NFU1: variants seen among roughly 807,000 people sequenced by gnomAD.
The protein encoded by NFU1 is NFU1 iron-sulfur cluster scaffold, also known as NFU1 iron-sulfur cluster scaffold homolog, mitochondrial.
Under a neutral mutation model 32.2 loss-of-function variants are expected in NFU1, and 30 were observed. That is an observed-to-expected ratio of 0.93 (90% CI 0.70 to 1.26). The LOEUF (loss-of-function observed/expected upper bound fraction) is 1.26. Ranked by LOEUF, NFU1 falls within the 50% of genes most tolerant of loss-of-function variation. The probability of loss-of-function intolerance (pLI) is 0.00; values close to 1 mark genes in which losing one functional copy is unlikely to be tolerated. For missense variants in NFU1, 306 were observed against 306.6 expected, an observed-to-expected ratio of 1.00 and a Z score of 0.02; for synonymous variants, 112 against 104.6, an observed-to-expected ratio of 1.07 and a Z score of -0.43.
intron 3 of NFU1, among the ~76,000 whole-genome samples, chr2:69,423,245 T>TGA (rs1673318970): frequency 6.5e-4 from 6 of 9,190 alleles, no homozygotes; most frequent in South Asian, 7.3e-3. Flanking sequence ...TCTGTGTGAG[T>TGA]GTGTGTGTGT....
intron 6 of NFU1, among the ~76,000 whole-genome samples, chr2:69,403,378 C>T (rs563166160): frequency 1.9e-4 from 29 of 152,020 alleles, no homozygotes; most frequent in South Asian, 6.2e-4. Context: ...TTCTCCCCTC[C>T]GGAGGTTTGA....
At chr2:69,435,986 C>A (rs371528988) in intron 1 of NFU1, among the ~76,000 whole-genome samples, 8 of 151,696 alleles carry the variant, frequency 5.3e-5, no homozygotes, top group African/African-American at 1.9e-4. Flanking sequence ...TCAGCCAATC[C>A]GCCCAGCTTG....
At chr2:69,405,942 C>A in intron 6 of NFU1, 80 bp downstream of exon 6, 2 of 895,160 alleles carry the variant, frequency 2.2e-6, no homozygotes, top group South Asian at 1.3e-5. Context: ...ACTATAATCT[C>A]ATGGCCAACT....
Position 69,408,734 on chromosome 2 carries a change from TTATATATATATATATATATA to T in NFU1, c.485-2672_485-2653del, listed in dbSNP as rs70954344. 1.7e-3 allele frequency among the ~76,000 whole-genome samples: 229 copies of T among 136,432 alleles called. 4 individuals are homozygous for T. The highest frequency in any genetic ancestry group is 0.017 in the Admixed American group (215 of 12,926). 89.5% of individuals were successfully genotyped at this position (136,432 alleles called of 152,430 possible). A position where few individuals can be genotyped will look rare whatever the true frequency, so the allele number is the denominator to read the frequency against. ...CACCGTCTCAAAAAAATATAAAATT[TTATATATATATATATATATA>T]TATATATATATATATACACACACAC... On this transcript the variant is annotated intron_variant, in intron 5 of 7. Transcript: ENST00000410022.
At chr2:69,420,399 C>T (rs898857763) in intron 3 of NFU1, among the ~76,000 whole-genome samples, 13 of 152,132 alleles carry the variant, frequency 8.5e-5, no homozygotes, top group Middle Eastern at 3.2e-3. Context: ...TTAATTGGGG[C>T]TTTTTTACTT....
intron 3 of NFU1, among the ~76,000 whole-genome samples, chr2:69,419,889 A>C (rs1330694008): frequency 1.3e-5 from 2 of 152,240 alleles, no homozygotes; most frequent in Admixed American, 1.3e-4. Flanking sequence ...AAATATGGAA[A>C]TGTCCATCAC....
intron 5 of NFU1, among the ~76,000 whole-genome samples, chr2:69,408,673 T>C (rs960777334): frequency 6.7e-6 from 1 of 150,262 alleles, no homozygotes; most frequent in Admixed American, 6.7e-5. Context: ...TGAGCTGAGA[T>C]CACGCCACTG....
intron 5 of NFU1, among the ~76,000 whole-genome samples, chr2:69,412,883 A>G (rs1043232840): frequency 1.3e-5 from 2 of 150,716 alleles, no homozygotes; most frequent in Admixed American, 1.3e-4. Flanking sequence ...AAGACACATG[A>G]CTCAATTTGT....
At chr2:69,404,279 G>A (rs1672622489) in intron 6 of NFU1, among the ~76,000 whole-genome samples, 1 of 151,376 alleles carries the variant, frequency 6.6e-6, no homozygotes, top group Non-Finnish European at 1.5e-5. Context: ...ATCACCTGAG[G>A]TCAGGAGGTC....
upstream of NFU1, among the ~76,000 whole-genome samples, chr2:69,439,554 C>T (rs116780968): frequency 0.028 from 4,247 of 152,292 alleles, 89 homozygotes; most frequent in Non-Finnish European, 0.045. Flanking sequence ...GGAAGGGGAC[C>T]CAAGCAGGTT....
At chr2:69,432,580 A>G (rs1673675712) in intron 1 of NFU1, among the ~76,000 whole-genome samples, 1 of 152,146 alleles carries the variant, frequency 6.6e-6, no homozygotes. Flanking sequence ...ACCTCAAAAA[A>G]AAAAAGAAAC....
At chr2:69,400,106 C>T (rs1672471251) in intron 7 of NFU1, among the ~76,000 whole-genome samples, 1 of 152,146 alleles carries the variant, frequency 6.6e-6, no homozygotes, top group Non-Finnish European at 1.5e-5. Context: ...CTCCCAACCT[C>T]AGGTGATCCA....
upstream of NFU1, among the ~76,000 whole-genome samples, chr2:69,439,550 G>C (rs1284122060): frequency 6.6e-6 from 1 of 152,184 alleles, no homozygotes; most frequent in South Asian, 2.1e-4. Flanking sequence ...ACATGGAAGG[G>C]GACCCAAGCA....
rs114145133 is a variant in NFU1, at chr2:69,420,515, G to A, written c.303-911C>T. ...CCTACCAAATCCTGTTATCAGTTTCGTGTGTATTCTTCCAGATCTTTTTGT... is the reference window on the plus strand; with the variant it reads ...CCTACCAAATCCTGTTATCAGTTTCATGTGTATTCTTCCAGATCTTTTTGT... On this transcript the variant is annotated intron_variant, in intron 3 of 7. Coordinates refer to ENST00000410022, the MANE Select transcript of NFU1 (RefSeq NM_001002755.4). Among the ~76,000 whole-genome samples, 535 of 152,120 alleles carry A rather than the reference G, an allele frequency of 3.5e-3. 3 individuals are homozygous for A. Among genetic ancestry groups the A allele is most frequent in the African/African-American group, 0.012 (514 of 41,468 alleles).
At chr2:69,426,823 C>T (rs1673470052) in intron 2 of NFU1, among the ~76,000 whole-genome samples, 1 of 151,658 alleles carries the variant, frequency 6.6e-6, no homozygotes. Flanking sequence ...AATCCCAGCA[C>T]TTTGGGAGGC....
intron 2 of NFU1, among the ~76,000 whole-genome samples, chr2:69,429,187 A>G (rs1388727629): frequency 6.6e-6 from 1 of 152,202 alleles, no homozygotes; most frequent in Non-Finnish European, 1.5e-5. Flanking sequence ...CTGGCTCTGA[A>G]CCAATCATTT....
chr2:69,432,340 C>T (rs1489686062), intron 1 of NFU1, among the ~76,000 whole-genome samples: 1 of 152,042 alleles, frequency 6.6e-6, no homozygotes, highest in Non-Finnish European at 1.5e-5. Flanking sequence ...TTTGGGAGGC[C>T]GAGGCAGGTG....
At chr2:69,399,933 C>T (rs58193023) in intron 7 of NFU1, among the ~76,000 whole-genome samples, 4,636 of 151,434 alleles carry the variant, frequency 0.031, 224 homozygotes, top group East Asian at 0.19. Context: ...AGTGCAATGG[C>T]GCGATCTCGG....
At chr2:69,426,851 G>A (rs190080384) in intron 2 of NFU1, among the ~76,000 whole-genome samples, 7 of 148,706 alleles carry the variant, frequency 4.7e-5, no homozygotes, top group Non-Finnish European at 1.0e-4. Flanking sequence ...GGCGGATCAC[G>A]AGGTCAGGAG....
Sources: gnomAD v4.1 joint callset for allele counts (sites outside exome capture counted in the v4.1 genomes callset) on GRCh38, gnomAD v4.1.1 for gene constraint, MANE v1.5 for transcripts, NCBI Gene and HGNC (gene_info 2026-07-23, HGNC 2026-07-21) for gene names.